Variants in VMP1 observed in about 807,000 individuals in gnomAD.
VMP1 encodes vacuole membrane protein 1.
VMP1 carries 11 observed loss-of-function variants against 56.0 expected under a neutral mutation model. The ratio of observed to expected loss-of-function variants is 0.20; its 90% CI spans 0.12 to 0.32. The LOEUF (loss-of-function observed/expected upper bound fraction) is 0.32. VMP1 is among the 10% of genes least tolerant of loss of function. VMP1 has a pLI of 1.00. For missense variants in VMP1, 296 were observed against 490.3 expected, an observed-to-expected ratio of 0.60 and a Z score of 3.74; for synonymous variants, 149 against 165.0, an observed-to-expected ratio of 0.90 and a Z score of 0.74.
intron 7 of VMP1, among the ~76,000 whole-genome samples, chr17:59,795,528 A>G (rs2037408489): frequency 6.9e-6 from 1 of 145,044 alleles, no homozygotes; most frequent in African/African-American, 2.5e-5. Context: ...ATTAAAAACA[A>G]TGGTCGGGCA....
intron 5 of VMP1, 62 bp downstream of exon 5, chr17:59,739,009 T>C: frequency 7.6e-7 from 1 of 1,324,080 alleles, no homozygotes; most frequent in Non-Finnish European, 1.0e-6. Context: ...TTGGTGCTTT[T>C]ATGTCAGAAG....
chr17:59,721,445 C>T (rs769835638), intron 1 of VMP1, among the ~76,000 whole-genome samples: 94 of 152,310 alleles, frequency 6.2e-4, no homozygotes, highest in South Asian at 1.2e-3. Context: ...CAGCTTTCAG[C>T]CACCAAGTTT....
chr17:59,803,696 G>A (rs1004152172), intron 7 of VMP1, among the ~76,000 whole-genome samples: 1 of 152,092 alleles, frequency 6.6e-6, no homozygotes, highest in Non-Finnish European at 1.5e-5. Flanking sequence ...TGACATGTGA[G>A]GAAGTAATCA....
chr17:59,828,437 C>T (rs1774950410), intron 10 of VMP1, among the ~76,000 whole-genome samples: 1 of 152,212 alleles, frequency 6.6e-6, no homozygotes, highest in African/African-American at 2.4e-5. Flanking sequence ...CTTCCTTCTA[C>T]ACAGCCAGAA....
intron 9 of VMP1, among the ~76,000 whole-genome samples, chr17:59,813,580 A>G (rs2038127455): frequency 6.6e-6 from 1 of 152,146 alleles, no homozygotes; most frequent in African/African-American, 2.4e-5. Context: ...TCAAAAAAAA[A>G]AAAAAAGATT....
intron 5 of VMP1, among the ~76,000 whole-genome samples, chr17:59,752,034 A>G (rs1295383133): frequency 6.6e-6 from 1 of 151,738 alleles, no homozygotes; most frequent in African/African-American, 2.4e-5. Flanking sequence ...GCTGGTCTCA[A>G]ACTCCTCGGT....
At chr17:59,788,249 G>A (rs2144104805) in intron 7 of VMP1, among the ~76,000 whole-genome samples, 1 of 152,256 alleles carries the variant, frequency 6.6e-6, no homozygotes, top group Non-Finnish European at 1.5e-5. Context: ...AGCACTTTGG[G>A]AGGCTGAGGG....
intron 10 of VMP1, among the ~76,000 whole-genome samples, chr17:59,834,387 C>T (rs914509243): frequency 1.3e-5 from 2 of 152,172 alleles, no homozygotes; most frequent in Non-Finnish European, 2.9e-5. Context: ...CCTCAGCCCC[C>T]ACTAGTAGCT....
At chr17:59,771,204 C>T (rs536346612) in intron 6 of VMP1, among the ~76,000 whole-genome samples, 4 of 149,672 alleles carry the variant, frequency 2.7e-5, no homozygotes, top group African/African-American at 9.9e-5. Context: ...GACAGGGTCT[C>T]ACTCTGTCAC....
chr17:59,830,921 G>A (rs546658418), intron 10 of VMP1, among the ~76,000 whole-genome samples: 10 of 152,196 alleles, frequency 6.6e-5, no homozygotes, highest in African/African-American at 1.9e-4. Context: ...CCTCCTAGGA[G>A]GGCTCAAGCA....
chr17:59,837,351 G>A (rs2039015853), intron 10 of VMP1, among the ~76,000 whole-genome samples: 1 of 152,104 alleles, frequency 6.6e-6, no homozygotes, highest in Non-Finnish European at 1.5e-5. Flanking sequence ...TATGTAACAG[G>A]TAAGAAACTA....
At chr17:59,724,675 A>G (rs1036967169) in intron 1 of VMP1, among the ~76,000 whole-genome samples, 12 of 151,598 alleles carry the variant, frequency 7.9e-5, no homozygotes, top group Admixed American at 7.9e-4. Flanking sequence ...TTGTCTCAAA[A>G]ATAATAATAG....
At chr17:59,784,203 G>T (rs2036929517) in intron 7 of VMP1, among the ~76,000 whole-genome samples, 1 of 150,260 alleles carries the variant, frequency 6.7e-6, no homozygotes, top group Non-Finnish European at 1.5e-5. Flanking sequence ...TTTAATTAAA[G>T]AACTCTGAAG....
intron 2 of VMP1, among the ~76,000 whole-genome samples, chr17:59,732,453 G>A (rs1431602219): frequency 6.6e-6 from 1 of 152,184 alleles, no homozygotes; most frequent in Non-Finnish European, 1.5e-5. Context: ...ATGTTGGCCA[G>A]GGTGGTCTTG....
At chr17:59,788,411 C>T (rs1255962446) in intron 7 of VMP1, among the ~76,000 whole-genome samples, 6 of 151,264 alleles carry the variant, frequency 4.0e-5, no homozygotes, top group East Asian at 1.9e-4. Flanking sequence ...CGCTTGAACC[C>T]GGGAGGCGTA....
intron 7 of VMP1, among the ~76,000 whole-genome samples, chr17:59,782,759 A>G (rs1441859071): frequency 2.0e-5 from 3 of 151,678 alleles, no homozygotes; most frequent in East Asian, 1.9e-4. Flanking sequence ...GTTAGAAAAT[A>G]TGGGTTTTTA....
At chr17:59,764,787 G>A (rs2036175301) in intron 5 of VMP1, among the ~76,000 whole-genome samples, 184 bp from the exon 6 acceptor site, 2 of 152,076 alleles carry the variant, frequency 1.3e-5, no homozygotes, top group Non-Finnish European at 2.9e-5. Context: ...AGTCAACCAG[G>A]AAGAGATTCT....
chr17:59,730,216 A>T (rs908523060), intron 1 of VMP1, among the ~76,000 whole-genome samples: 9 of 151,676 alleles, frequency 5.9e-5, no homozygotes, highest in Non-Finnish European at 1.5e-5. Flanking sequence ...CACGCTTCTT[A>T]TGAAATATAT....
chr17:59,838,136 C>T (rs2039042778), intron 10 of VMP1, 159 bp from the exon 11 acceptor site: 2 of 264,278 alleles, frequency 7.6e-6, no homozygotes, highest in South Asian at 1.5e-4. Context: ...AAAAAGGGGT[C>T]ACAGAATTTC....
Sources: gnomAD v4.1 joint callset for allele counts (sites outside exome capture counted in the v4.1 genomes callset) on GRCh38, gnomAD v4.1.1 for gene constraint, MANE v1.5 for transcripts, NCBI Gene and HGNC (gene_info 2026-07-23, HGNC 2026-07-21) for gene names.